Variants in C10orf67 observed in about 807,000 individuals in gnomAD.
The protein encoded by C10orf67 is uncharacterized protein C10orf67, mitochondrial.
In C10orf67, 60 loss-of-function variants were observed where a neutral mutation model predicts 35.6. The ratio of observed to expected loss-of-function variants is 1.68; its 90% CI spans 1.37 to 2.09. The LOEUF (loss-of-function observed/expected upper bound fraction) is 2.09. Among genes scored for constraint, C10orf67 ranks in the 30% most tolerant of loss-of-function variants. The probability of loss-of-function intolerance (pLI) is 0.00; values close to 1 mark genes in which losing one functional copy is unlikely to be tolerated. For missense variants in C10orf67, 474 were observed against 330.2 expected (o/e 1.44, Z -3.38); for synonymous variants, 167 against 115.8 (o/e 1.44, Z -2.84).
At chr10:23,247,295 C>A (rs1326670884) in intron 12 of C10orf67, among the ~76,000 whole-genome samples, 3 of 152,018 alleles carry the variant, frequency 2.0e-5, no homozygotes, top group Non-Finnish European at 4.4e-5. Context: ...ACAGGTGGAC[C>A]ATTCTTTATC....
At chr10:23,243,843 T>C (rs567866762) in intron 12 of C10orf67, among the ~76,000 whole-genome samples, 3 of 152,264 alleles carry the variant, frequency 2.0e-5, no homozygotes, top group East Asian at 3.9e-4. Context: ...AGAATTAAAC[T>C]AGAACTATAA....
intron 13 of C10orf67, among the ~76,000 whole-genome samples, chr10:23,226,287 A>C (rs1015446338): frequency 2.6e-5 from 4 of 152,148 alleles, no homozygotes; most frequent in Non-Finnish European, 5.9e-5. Flanking sequence ...TAAGAAACTC[A>C]CTCAAAACCA....
At chr10:23,215,654 AC>A (rs1421804576) in intron 15 of C10orf67, among the ~76,000 whole-genome samples, 11 of 152,138 alleles carry the variant, frequency 7.2e-5, no homozygotes, top group Non-Finnish European at 1.3e-4. Context: ...TGAGTCGAGT[AC>A]AGCCTTTATA....
chr10:23,218,346 C>G (rs1488455964), intron 15 of C10orf67, among the ~76,000 whole-genome samples: 1 of 148,074 alleles, frequency 6.8e-6, no homozygotes, highest in Non-Finnish European at 1.5e-5. Flanking sequence ...CGGGGCTTCC[C>G]CATGTTGCTC....
At chr10:23,242,266 G>A (rs1312583409) in intron 12 of C10orf67, among the ~76,000 whole-genome samples, 1 of 152,096 alleles carries the variant, frequency 6.6e-6, no homozygotes, top group Non-Finnish European at 1.5e-5. Context: ...ACCATGCCCG[G>A]CCTACTGACA....
At position 23,273,714 on chromosome 10, in the gene C10orf67, T is replaced by C. The variant is rs371904491; in HGVS notation, c.976-6460A>G. Among the ~76,000 whole-genome samples, 4 of 152,198 alleles carry C rather than the reference T, an allele frequency of 2.6e-5. No homozygotes were observed. In the South Asian group the frequency reaches 8.3e-4, roughly 32 times the overall value. ...CTCCATTCAAGGGAAGAAGGAGGCA[T>C]AGAGCAATAGCTGGTCCACAGTAAT... is the stretch of plus-strand genomic sequence containing the variant. On this transcript the variant is annotated intron_variant, in intron 8 of 15. Transcript: ENST00000636213.
intron 2 of C10orf67, among the ~76,000 whole-genome samples, chr10:23,329,812 A>AG (rs1554817507): frequency 1.8e-4 from 27 of 148,614 alleles, no homozygotes; most frequent in South Asian, 1.3e-3. Context: ...AAAAAAAAAA[A>AG]AAAAGAAAAG....
intron 8 of C10orf67, among the ~76,000 whole-genome samples, chr10:23,272,556 T>C (rs1474862679): frequency 6.6e-6 from 1 of 152,248 alleles, no homozygotes. Context: ...TCTATGTTTA[T>C]CCTTATGCCA....
chr10:23,214,423 G>T (rs958990565), intron 15 of C10orf67, among the ~76,000 whole-genome samples: 4 of 152,050 alleles, frequency 2.6e-5, no homozygotes, highest in African/African-American at 9.7e-5. Context: ...AATCATGATG[G>T]AATAAAATAT....
At chr10:23,256,404 C>T (rs780665525) in intron 10 of C10orf67, among the ~76,000 whole-genome samples, 5 of 152,136 alleles carry the variant, frequency 3.3e-5, no homozygotes, top group Admixed American at 6.5e-5. Context: ...AGATAAACTA[C>T]AAAATCACAA....
intron 1 of C10orf67, among the ~76,000 whole-genome samples, chr10:23,342,732 G>C (rs904914650): frequency 2.6e-5 from 4 of 152,184 alleles, no homozygotes; most frequent in African/African-American, 9.6e-5. Context: ...ACCAGGTCCC[G>C]TGCACCCTGA....
chr10:23,242,221 G>T (rs1172826448), intron 12 of C10orf67, among the ~76,000 whole-genome samples: 1 of 151,948 alleles, frequency 6.6e-6, no homozygotes, highest in Non-Finnish European at 1.5e-5. Flanking sequence ...CACCCACCTC[G>T]GCCTCCCAAA....
intron 13 of C10orf67, among the ~76,000 whole-genome samples, chr10:23,239,452 G>T (rs1171934053): frequency 6.6e-6 from 1 of 152,164 alleles, no homozygotes; most frequent in African/African-American, 2.4e-5. Context: ...GCTCCAGGCA[G>T]AATGAGTGCC....
At chr10:23,320,902 A>T (rs1431972116) in intron 3 of C10orf67, 87 bp from the exon 4 acceptor site, 1 of 845,864 alleles carries the variant, frequency 1.2e-6, no homozygotes, top group Non-Finnish European at 1.8e-6. Flanking sequence ...TAGTAAAAAA[A>T]CATCATCTGA....
chr10:23,301,165 G>A (rs1446803157), intron 5 of C10orf67, among the ~76,000 whole-genome samples: 3 of 152,206 alleles, frequency 2.0e-5, no homozygotes, highest in Non-Finnish European at 2.9e-5. Flanking sequence ...AGGGGTGCAC[G>A]CATGGGCGAC....
chr10:23,311,887 A>T (rs1469194148), intron 4 of C10orf67, among the ~76,000 whole-genome samples: 1 of 152,194 alleles, frequency 6.6e-6, no homozygotes, highest in Non-Finnish European at 1.5e-5. Context: ...AGTTTGCAAC[A>T]TTTAAACTAG....
chr10:23,243,438 C>T (rs974424881), intron 12 of C10orf67, among the ~76,000 whole-genome samples: 2 of 151,632 alleles, frequency 1.3e-5, no homozygotes, highest in Non-Finnish European at 2.9e-5. Flanking sequence ...AATCCCAGCA[C>T]GTTGGGAGGC....
intron 15 of C10orf67, among the ~76,000 whole-genome samples, chr10:23,217,237 A>G (rs972113111): frequency 2.6e-5 from 4 of 152,216 alleles, no homozygotes; most frequent in Non-Finnish European, 4.4e-5. Flanking sequence ...TGACATTTGT[A>G]GAAGCCACAC....
chr10:23,253,684 T>A (rs1200813467), intron 10 of C10orf67, among the ~76,000 whole-genome samples: 1 of 152,224 alleles, frequency 6.6e-6, no homozygotes, highest in Non-Finnish European at 1.5e-5. Context: ...TGTGTTTAAA[T>A]TTATGTACAG....
Sources: allele counts gnomAD v4.1 joint callset (sites outside exome capture counted in the v4.1 genomes callset), GRCh38; gene constraint gnomAD v4.1.1; transcripts MANE v1.5; gene names NCBI Gene and HGNC (gene_info 2026-07-23, HGNC 2026-07-21).